Variants in CCDC39 observed in about 807,000 individuals in gnomAD.
The protein encoded by CCDC39 is coiled-coil domain-containing protein 39.
A neutral mutation model predicts 121.0 loss-of-function variants in CCDC39; 113 were observed. The observed-to-expected ratio is 0.93, with a 90% CI of 0.80 to 1.09. The LOEUF is 1.09. Ranked by LOEUF, CCDC39 falls within the 50% of genes least tolerant of loss-of-function variation. The pLI is 0.00. For synonymous variants in CCDC39, 349 were observed against 352.2 expected (o/e 0.99, Z 0.10); for missense variants, 1,063 against 1,074.7 (o/e 0.99, Z 0.15).
At chr3:180,646,987 G>T in intron 11 of CCDC39, 92 bp downstream of exon 11, 2 of 1,144,784 alleles carry the variant, frequency 1.7e-6, no homozygotes, top group Non-Finnish European at 2.5e-6. Context: ...TAGAGTGGCA[G>T]TCACCCTATC....
chr3:180,642,344 T>C (rs932107469), intron 12 of CCDC39, 143 bp from the exon 13 acceptor site: 4 of 445,722 alleles, frequency 9.0e-6, no homozygotes, highest in Non-Finnish European at 3.9e-6. Context: ...AGGCCTAAAA[T>C]TGATCATAGT....
chr3:180,663,646 G>T (rs548411681), intron 2 of CCDC39, among the ~76,000 whole-genome samples: 2 of 150,762 alleles, frequency 1.3e-5, no homozygotes, highest in African/African-American at 4.9e-5. Flanking sequence ...CTCCAGCCTA[G>T]GAAACAGAGC....
intron 1 of CCDC39, among the ~76,000 whole-genome samples, chr3:180,674,476 A>C (rs891170629): frequency 1.0e-3 from 156 of 148,960 alleles, no homozygotes; most frequent in African/African-American, 3.6e-3. Context: ...TTATTTCTTT[A>C]TCCTGCCTGA....
intron 14 of CCDC39, among the ~76,000 whole-genome samples, chr3:180,626,001 C>T (rs138008214): frequency 1.2e-4 from 18 of 151,946 alleles, no homozygotes; most frequent in South Asian, 4.2e-4. Context: ...ATGGTGGGCC[C>T]GACATGCAGG....
At chr3:180,678,547 G>A (rs1253742263) in intron 1 of CCDC39, among the ~76,000 whole-genome samples, 2 of 151,744 alleles carry the variant, frequency 1.3e-5, no homozygotes, top group African/African-American at 4.8e-5. Context: ...GGTTTGTGGG[G>A]GGTCTCGCTT....
chr3:180,620,483 C>G (rs568691746), intron 14 of CCDC39, among the ~76,000 whole-genome samples: 1 of 151,986 alleles, frequency 6.6e-6, no homozygotes, highest in South Asian at 2.1e-4. Context: ...CTATGAATTG[C>G]TAAAGGCCAA....
At chr3:180,626,994 A>G (rs1160193224) in intron 14 of CCDC39, among the ~76,000 whole-genome samples, 2 of 152,132 alleles carry the variant, frequency 1.3e-5, no homozygotes, top group Non-Finnish European at 2.9e-5. Context: ...ATTAACTTCT[A>G]AGTGGCAAGG....
At chr3:180,654,699 T>C (rs940094831) in intron 7 of CCDC39, 63 bp downstream of exon 7, 112 of 1,132,810 alleles carry the variant, frequency 9.9e-5, no homozygotes, top group Non-Finnish European at 1.2e-4. Context: ...GCTTTATGCT[T>C]ATTTTATATT....
chr3:180,660,021 T>C (rs1020793443), intron 4 of CCDC39, among the ~76,000 whole-genome samples: 61 of 152,048 alleles, frequency 4.0e-4, no homozygotes, highest in African/African-American at 1.4e-3. Flanking sequence ...AGAAAAAAGA[T>C]TAAGTTATAA....
intron 9 of CCDC39, among the ~76,000 whole-genome samples, chr3:180,648,783 A>G (rs923463623): frequency 6.6e-6 from 1 of 152,168 alleles, no homozygotes; most frequent in African/African-American, 2.4e-5. Flanking sequence ...GAGCAGGTAA[A>G]TGTTAAATGT....
intron 1 of CCDC39, among the ~76,000 whole-genome samples, chr3:180,671,232 A>G (rs1277780788): frequency 1.4e-5 from 2 of 147,184 alleles, no homozygotes; most frequent in African/African-American, 5.1e-5. Flanking sequence ...AAAAAAAAAA[A>G]GTTATCACTC....
At chr3:180,651,983 G>A (rs952788760) in intron 8 of CCDC39, among the ~76,000 whole-genome samples, 180 bp downstream of exon 8, 2 of 151,614 alleles carry the variant, frequency 1.3e-5, no homozygotes, top group African/African-American at 4.8e-5. Flanking sequence ...CTTGCAGTGA[G>A]CTGAGATCAC....
intron 7 of CCDC39, among the ~76,000 whole-genome samples, chr3:180,654,241 A>AG (rs1356555474): frequency 3.8e-5 from 5 of 132,764 alleles, no homozygotes; most frequent in African/African-American, 1.1e-4. Context: ...AAAAAAAAAA[A>AG]AGAGAGAAAG....
chr3:180,672,957 T>A (rs1025870100), intron 1 of CCDC39, among the ~76,000 whole-genome samples: 2 of 151,664 alleles, frequency 1.3e-5, no homozygotes, highest in Non-Finnish European at 2.9e-5. Flanking sequence ...GTTTGAGAGG[T>A]TCAAGACTTC....
At chr3:180,667,346 T>C (rs1711908496) in intron 1 of CCDC39, among the ~76,000 whole-genome samples, 1 of 152,180 alleles carries the variant, frequency 6.6e-6, no homozygotes, top group South Asian at 2.1e-4. Flanking sequence ...ATTGTACTTC[T>C]CCAATGGCAC....
At chr3:180,624,545 C>G (rs924684397) in intron 14 of CCDC39, among the ~76,000 whole-genome samples, 5 of 151,904 alleles carry the variant, frequency 3.3e-5, no homozygotes, top group Non-Finnish European at 7.4e-5. Flanking sequence ...GCCAGTGATG[C>G]CTTTCTCTTC....
At chr3:180,644,035 A>C (rs1300187455) in intron 12 of CCDC39, 85 bp downstream of exon 12, 5 of 991,894 alleles carry the variant, frequency 5.0e-6, no homozygotes, top group Non-Finnish European at 7.2e-6. Flanking sequence ...TTTCTTTTTC[A>C]TAATTTGCTA....
At chr3:180,677,712 T>C (rs1712275840) in intron 1 of CCDC39, among the ~76,000 whole-genome samples, 1 of 152,156 alleles carries the variant, frequency 6.6e-6, no homozygotes, top group African/African-American at 2.4e-5. Flanking sequence ...ATATATATAA[T>C]TCCATTATAA....
chr3:180,642,313 C>A, intron 12 of CCDC39, 112 bp from the exon 13 acceptor site: 1 of 556,822 alleles, frequency 1.8e-6, no homozygotes, highest in Non-Finnish European at 3.0e-6. Context: ...TCCAATTTAA[C>A]CATTGACTAA....
Sources: gnomAD v4.1 joint callset for allele counts (sites outside exome capture counted in the v4.1 genomes callset) on GRCh38, gnomAD v4.1.1 for gene constraint, MANE v1.5 for transcripts, NCBI Gene and HGNC (gene_info 2026-07-23, HGNC 2026-07-21) for gene names.